XNDC1N: variants seen among roughly 807,000 people sequenced by gnomAD.
XNDC1N encodes protein XNDC1N.
chr11:71,916,990 C>A, the XNDC1N span: 2 of 168,542 alleles, frequency 1.2e-5, no homozygotes, highest in Non-Finnish European at 2.5e-5. Context: ...CACACTTATA[C>A]CCACAAAAAC....
the XNDC1N span, chr11:71,923,457 A>C: frequency 1.5e-6 from 1 of 668,798 alleles, no homozygotes; most frequent in South Asian, 1.6e-5. Flanking sequence ...CCAGAAAAGC[A>C]AGAATCCTCA....
At chr11:71,865,666 C>T in the XNDC1N span, 1 of 187,558 alleles carries the variant, frequency 5.3e-6, no homozygotes, top group Non-Finnish European at 1.1e-5. Flanking sequence ...TCGATTTTAC[C>T]ATACAATATT....
chr11:71,917,827 C>A, the XNDC1N span: 1 of 694,474 alleles, frequency 1.4e-6, no homozygotes, highest in Non-Finnish European at 2.6e-6. Flanking sequence ...TGACTGAAGA[C>A]AAAGGAATAC....
chr11:71,906,553 A>C, the XNDC1N span, among the ~76,000 whole-genome samples: 294 of 151,952 alleles, frequency 1.9e-3, no homozygotes, highest in African/African-American at 6.6e-3. Context: ...AACAATATCA[A>C]AGGGTGTACA....
the XNDC1N span, among the ~76,000 whole-genome samples, chr11:71,902,189 C>G: frequency 6.6e-6 from 1 of 152,084 alleles, no homozygotes; most frequent in African/African-American, 2.4e-5. Context: ...TTACTTGATT[C>G]TTTTTGTTTT....
the XNDC1N span, among the ~76,000 whole-genome samples, chr11:71,890,913 T>G: frequency 0.073 from 11,073 of 151,874 alleles, 656 homozygotes; most frequent in African/African-American, 0.16. Flanking sequence ...GATGTGAACA[T>G]CCCTGCGATA....
the XNDC1N span, among the ~76,000 whole-genome samples, chr11:71,907,573 G>A: frequency 6.6e-6 from 1 of 151,944 alleles, no homozygotes; most frequent in Non-Finnish European, 1.5e-5. Context: ...TTCACAGACC[G>A]CTGTACACCC....
At chr11:71,875,295 A>C in the XNDC1N span, among the ~76,000 whole-genome samples, 1 of 152,116 alleles carries the variant, frequency 6.6e-6, no homozygotes, top group East Asian at 1.9e-4. Flanking sequence ...AGAGAAATTT[A>C]ATGGAAAGTA....
the XNDC1N span, among the ~76,000 whole-genome samples, chr11:71,875,677 C>G: frequency 6.6e-6 from 1 of 151,710 alleles, no homozygotes; most frequent in African/African-American, 2.4e-5. Flanking sequence ...TTGTTTTTAA[C>G]ATGGCAGGAA....
chr11:71,905,117 A>G, the XNDC1N span, among the ~76,000 whole-genome samples: 1 of 152,164 alleles, frequency 6.6e-6, no homozygotes, highest in Non-Finnish European at 1.5e-5. Flanking sequence ...GATATTATGG[A>G]TAATATCACA....
chr11:71,870,699 A>C, the XNDC1N span, among the ~76,000 whole-genome samples: 1 of 152,258 alleles, frequency 6.6e-6, no homozygotes, highest in Non-Finnish European at 1.5e-5. Flanking sequence ...GAAAACAAAT[A>C]GTCCAATTAA....
the XNDC1N span, among the ~76,000 whole-genome samples, chr11:71,900,267 C>A: frequency 6.6e-6 from 1 of 152,186 alleles, no homozygotes; most frequent in Non-Finnish European, 1.5e-5. Flanking sequence ...GCGCCGGTCC[C>A]CTGGGCTCAC....
At chr11:71,884,643 G>T in the XNDC1N span, 4 of 1,486,756 alleles carry the variant, frequency 2.7e-6, no homozygotes, top group African/African-American at 4.2e-5. Context: ...TAACATGATA[G>T]ATGAAAATTA....
chr11:71,888,745 C>T, the XNDC1N span, among the ~76,000 whole-genome samples: 280 of 152,302 alleles, frequency 1.8e-3, 1 homozygote, highest in African/African-American at 6.5e-3. Context: ...CCCGTGCTGT[C>T]GTGACTTTAA....
the XNDC1N span, among the ~76,000 whole-genome samples, chr11:71,900,740 C>T: frequency 6.6e-6 from 1 of 152,222 alleles, no homozygotes; most frequent in Non-Finnish European, 1.5e-5. Context: ...AAAGGCCAGG[C>T]TCTGAGCTCT....
chr11:71,886,330 C>CG, the XNDC1N span, among the ~76,000 whole-genome samples: 1 of 149,838 alleles, frequency 6.7e-6, no homozygotes, highest in African/African-American at 2.5e-5. Context: ...GCGGAGAGTC[C>CG]TCAAGCAGCA....
the XNDC1N span, chr11:71,894,234 C>T: frequency 5.3e-4 from 269 of 507,282 alleles, 2 homozygotes; most frequent in Middle Eastern, 7.2e-3. Flanking sequence ...ATGGAACAGG[C>T]ATTGGCGTGT....
At chr11:71,877,582 G>A in the XNDC1N span, among the ~76,000 whole-genome samples, 1 of 152,254 alleles carries the variant, frequency 6.6e-6, no homozygotes, top group East Asian at 1.9e-4. Flanking sequence ...AGGTTGCAGT[G>A]AGCCAAGATC....
At chr11:71,882,289 T>G in the XNDC1N span, among the ~76,000 whole-genome samples, 2 of 152,134 alleles carry the variant, frequency 1.3e-5, no homozygotes, top group Non-Finnish European at 2.9e-5. Flanking sequence ...AGAGTCTCAC[T>G]TTGTCACCCA....
Sources: allele counts gnomAD v4.1 joint callset (sites outside exome capture counted in the v4.1 genomes callset), GRCh38; gene constraint gnomAD v4.1.1; transcripts MANE v1.5; gene names NCBI Gene and HGNC (gene_info 2026-07-23, HGNC 2026-07-21).